MAGI2: variants seen among roughly 807,000 people sequenced by gnomAD.
The protein encoded by MAGI2 is membrane-associated guanylate kinase, WW and PDZ domain-containing protein 2.
MAGI2 carries 35 observed loss-of-function variants against 133.3 expected under a neutral mutation model. That is an observed-to-expected ratio of 0.26 (90% CI 0.20 to 0.35). MAGI2 has a LOEUF of 0.35. Ranked by LOEUF, MAGI2 falls within the 10% of genes least tolerant of loss-of-function variation. MAGI2 has a pLI of 1.00. For missense variants in MAGI2, 1,636 were observed against 1,863.4 expected, an observed-to-expected ratio of 0.88 and a Z score of 2.25; for synonymous variants, 729 against 710.6, an observed-to-expected ratio of 1.03 and a Z score of -0.41.
At chr7:78,958,289 T>A (rs1459715371) in intron 2 of MAGI2, among the ~76,000 whole-genome samples, 2 of 152,154 alleles carry the variant, frequency 1.3e-5, no homozygotes, top group South Asian at 2.1e-4. Context: ...AGTGCTTACA[T>A]CCTGGGATAG....
chr7:79,099,229 G>A (rs1584926267), intron 1 of MAGI2, among the ~76,000 whole-genome samples: 1 of 151,996 alleles, frequency 6.6e-6, no homozygotes, highest in African/African-American at 2.4e-5. Flanking sequence ...ATTTCAGGAT[G>A]AGAGCAAAGT....
intron 1 of MAGI2, among the ~76,000 whole-genome samples, chr7:79,036,953 G>A (rs558928156): frequency 1.8e-4 from 27 of 152,232 alleles, no homozygotes; most frequent in South Asian, 1.7e-3. Context: ...TCTTAAACAA[G>A]ACGCCTGCCT....
intron 6 of MAGI2, among the ~76,000 whole-genome samples, chr7:78,391,678 G>A (rs1282823264): frequency 6.6e-6 from 1 of 152,108 alleles, no homozygotes; most frequent in Non-Finnish European, 1.5e-5. Context: ...ATTCCTTTCA[G>A]TTTTAACTTT....
At chr7:79,442,599 C>T (rs1010321963) in intron 1 of MAGI2, among the ~76,000 whole-genome samples, 3 of 151,910 alleles carry the variant, frequency 2.0e-5, no homozygotes, top group African/African-American at 7.3e-5. Context: ...AAAGGAGATC[C>T]AACTATAGAT....
intron 2 of MAGI2, among the ~76,000 whole-genome samples, chr7:78,871,096 G>A (rs566227779): frequency 2.0e-5 from 3 of 152,230 alleles, no homozygotes; most frequent in Non-Finnish European, 4.4e-5. Context: ...TGATCATGAG[G>A]TCAGGAGATC....
intron 1 of MAGI2, among the ~76,000 whole-genome samples, chr7:79,337,012 T>C (rs1210116276): frequency 7.2e-6 from 1 of 138,070 alleles, no homozygotes; most frequent in Non-Finnish European, 1.6e-5. Flanking sequence ...AAAAAAAAAC[T>C]AACTCTGTGA....
At chr7:79,057,103 A>T (rs534641045) in intron 1 of MAGI2, among the ~76,000 whole-genome samples, 1 of 152,326 alleles carries the variant, frequency 6.6e-6, no homozygotes, top group South Asian at 2.1e-4. Context: ...TTTCAAGCTC[A>T]CAGAACATCT....
At chr7:78,155,814 G>T (rs1030932283) in intron 16 of MAGI2, among the ~76,000 whole-genome samples, 7 of 152,046 alleles carry the variant, frequency 4.6e-5, no homozygotes, top group Non-Finnish European at 1.0e-4. Flanking sequence ...TTATTTCCTG[G>T]GGAAATAATA....
intron 6 of MAGI2, among the ~76,000 whole-genome samples, chr7:78,472,933 G>A (rs1270994708): frequency 6.6e-6 from 1 of 152,070 alleles, no homozygotes; most frequent in African/African-American, 2.4e-5. Flanking sequence ...GTAGTATAGG[G>A]GAAAGGTCAC....
chr7:78,490,620 T>G (rs1432763061), intron 5 of MAGI2, among the ~76,000 whole-genome samples: 1 of 152,084 alleles, frequency 6.6e-6, no homozygotes, highest in Non-Finnish European at 1.5e-5. Context: ...CAACACATAT[T>G]AACAATGCAT....
Position 78,121,231 on chromosome 7 carries a change from TA to T in MAGI2, c.3567+4462del, listed in dbSNP as rs60654902. On this transcript the variant is annotated intron_variant, in intron 20 of 21. Transcript: ENST00000354212. The stretch of plus-strand genomic sequence containing the variant: ...AACAAGACACAGAAAGCAGAAACTA[TA>T]AAAAAAAAAAAAAGGGTTAAGCCAA... Among the ~76,000 whole-genome samples, 715 of 126,528 alleles carry T rather than the reference TA, an allele frequency of 5.7e-3. 8 individuals carry two copies. The highest frequency in any genetic ancestry group is 0.048 in the East Asian group (209 of 4,342). 83.0% of individuals were successfully genotyped at this position (126,528 alleles called of 152,430 possible).
intron 1 of MAGI2, among the ~76,000 whole-genome samples, chr7:79,270,811 T>C (rs1422520451): frequency 1.2e-4 from 18 of 152,120 alleles, no homozygotes; most frequent in Admixed American, 3.9e-4. Flanking sequence ...TATTATTCTA[T>C]AATATTCTAC....
intron 2 of MAGI2, among the ~76,000 whole-genome samples, chr7:78,892,507 G>T (rs1796849609): frequency 6.6e-6 from 1 of 152,068 alleles, no homozygotes; most frequent in African/African-American, 2.4e-5. Flanking sequence ...AACCAAAACA[G>T]CATGGTACTG....
At chr7:78,213,541 G>C (rs1787974027) in intron 10 of MAGI2, among the ~76,000 whole-genome samples, 1 of 152,136 alleles carries the variant, frequency 6.6e-6, no homozygotes, top group Admixed American at 6.5e-5. Context: ...CCTATTTTAA[G>C]TTCAGCCTAA....
At chr7:79,127,006 T>C (rs904944608) in intron 1 of MAGI2, among the ~76,000 whole-genome samples, 1 of 150,562 alleles carries the variant, frequency 6.6e-6, no homozygotes, top group Admixed American at 6.6e-5. Context: ...TGTGTCCATG[T>C]GTTCTCATTG....
At chr7:78,554,445 A>C (rs571730332) in intron 3 of MAGI2, 5 of 152,200 alleles carry the variant, frequency 3.3e-5, no homozygotes, top group Non-Finnish European at 5.9e-5. Flanking sequence ...TTTTCTTTAT[A>C]TGCAGAATTT....
Position 78,345,959 on chromosome 7 carries a change from T to G in MAGI2, c.1188A>C (p.Glu396Asp). The change falls in exon 8 of 22, where the codon GAA becomes GAC. Residue 396 changes from glutamate to aspartate, a missense_variant. Glu to Asp is a conservative substitution (Grantham distance 45, BLOSUM62 2). Transcript: ENST00000354212. ...GGGCCTGCAGGGGCTTTGTTCCAAGTTCTGTGTGGGGCATGTTATGTTGCT... is the reference window on the plus strand; with the variant it reads ...GGGCCTGCAGGGGCTTTGTTCCAAGGTCTGTGTGGGGCATGTTATGTTGCT... ...KLQQHNMPHTELGTKPLQAPG... is the reference protein window; with the variant it reads ...KLQQHNMPHTDLGTKPLQAPG... 2 of 1,614,178 alleles carry G rather than the reference T, an allele frequency of 1.2e-6. No homozygotes were observed. Among genetic ancestry groups the G allele is most frequent in the Non-Finnish European group, 1.7e-6 (2 of 1,180,022 alleles).
At chr7:79,179,976 G>A (rs1826468742) in intron 1 of MAGI2, among the ~76,000 whole-genome samples, 1 of 152,010 alleles carries the variant, frequency 6.6e-6, no homozygotes, top group South Asian at 2.1e-4. Context: ...AATGAACAGA[G>A]TGAAGAAGCA....
At chr7:79,057,839 G>A (rs1453785850) in intron 1 of MAGI2, among the ~76,000 whole-genome samples, 1 of 151,928 alleles carries the variant, frequency 6.6e-6, no homozygotes, top group Non-Finnish European at 1.5e-5. Flanking sequence ...TGGGTTATGA[G>A]AAAGGAAGAA....
Sources: gnomAD v4.1 joint callset for allele counts (sites outside exome capture counted in the v4.1 genomes callset) on GRCh38, gnomAD v4.1.1 for gene constraint, MANE v1.5 for transcripts, NCBI Gene and HGNC (gene_info 2026-07-23, HGNC 2026-07-21) for gene names.